EFCAB13: variants seen among roughly 807,000 people sequenced by gnomAD.
EFCAB13 encodes EF-hand calcium-binding domain-containing protein 13.
Under a neutral mutation model 110.2 loss-of-function variants are expected in EFCAB13, and 91 were observed. The observed-to-expected ratio is 0.83, with a 90% CI of 0.70 to 0.98. EFCAB13 has a LOEUF of 0.98. Among genes scored for constraint, EFCAB13 ranks in the 50% least tolerant of loss-of-function variants. The probability of loss-of-function intolerance (pLI) is 0.00; values close to 1 mark genes in which losing one functional copy is unlikely to be tolerated. For missense variants in EFCAB13, 968 were observed against 1,119.4 expected (o/e 0.86, Z 1.93); for synonymous variants, 323 against 369.9 (o/e 0.87, Z 1.45).
chr17:47,324,124 T>C (rs2065266005), intron 1 of EFCAB13, 50 bp downstream of exon 1: 1 of 151,852 alleles, frequency 6.6e-6, no homozygotes. Context: ...CGAGACCCGC[T>C]GAGGAGTTGG....
chr17:47,427,054 G>T (rs756972093), intron 23 of EFCAB13, among the ~76,000 whole-genome samples: 7 of 152,098 alleles, frequency 4.6e-5, no homozygotes, highest in Non-Finnish European at 5.9e-5. Context: ...AATAAGGATA[G>T]TAATGCCTAT....
At chr17:47,365,007 C>A (rs2065538250) in intron 10 of EFCAB13, among the ~76,000 whole-genome samples, 1 of 152,318 alleles carries the variant, frequency 6.6e-6, no homozygotes, top group African/African-American at 2.4e-5. Flanking sequence ...CACTTTAGAT[C>A]CAAACTCAAC....
chr17:47,365,827 GAAAC>G (rs1416866156), intron 10 of EFCAB13, among the ~76,000 whole-genome samples: 2 of 151,166 alleles, frequency 1.3e-5, no homozygotes, highest in Non-Finnish European at 3.0e-5. Context: ...TGGGAATAGA[GAAAC>G]AAAGCAAAAA....
chr17:47,402,321 T>C, intron 18 of EFCAB13, 118 bp downstream of exon 18: 8 of 929,166 alleles, frequency 8.6e-6, no homozygotes, highest in South Asian at 7.5e-5. Flanking sequence ...GGCATTGATA[T>C]GTTTATACGC....
chr17:47,415,536 G>A (rs1904413493), intron 23 of EFCAB13, among the ~76,000 whole-genome samples: 1 of 151,822 alleles, frequency 6.6e-6, no homozygotes, highest in Non-Finnish European at 1.5e-5. Flanking sequence ...ATAATGAGGG[G>A]GAAAACAAGG....
chr17:47,373,255 A>G (rs1443116325), intron 11 of EFCAB13, among the ~76,000 whole-genome samples: 2 of 151,598 alleles, frequency 1.3e-5, no homozygotes, highest in Non-Finnish European at 2.9e-5. Context: ...TCAGCTCTTG[A>G]TTTTTGTTTA....
intron 4 of EFCAB13, among the ~76,000 whole-genome samples, chr17:47,331,126 T>A (rs2143220197): frequency 6.6e-6 from 1 of 152,288 alleles, no homozygotes; most frequent in East Asian, 1.9e-4. Flanking sequence ...GTACTTGTTT[T>A]TTTGCTGCTG....
chr17:47,331,970 G>A (rs1263994289), intron 4 of EFCAB13, among the ~76,000 whole-genome samples: 1 of 152,090 alleles, frequency 6.6e-6, no homozygotes, highest in Non-Finnish European at 1.5e-5. Flanking sequence ...ATTAATTACT[G>A]AAGGACATCT....
At chr17:47,410,594 G>T (rs930905969) in intron 21 of EFCAB13, among the ~76,000 whole-genome samples, 1 of 152,164 alleles carries the variant, frequency 6.6e-6, no homozygotes, top group African/African-American at 2.4e-5. Flanking sequence ...AATCAGATGG[G>T]TGAGACTCAA....
intron 5 of EFCAB13, among the ~76,000 whole-genome samples, chr17:47,341,638 G>C (rs1319432123): frequency 6.6e-6 from 1 of 152,020 alleles, no homozygotes; most frequent in Non-Finnish European, 1.5e-5. Context: ...TGGGATTACA[G>C]GTGTGCACCT....
intron 4 of EFCAB13, chr17:47,328,730 A>T (rs2143212870): frequency 5.2e-6 from 1 of 193,176 alleles, no homozygotes; most frequent in East Asian, 1.2e-4. Context: ...AATGTAGAGG[A>T]CATCAAATTT....
chr17:47,362,072 C>A (rs563965103), intron 10 of EFCAB13, among the ~76,000 whole-genome samples: 4 of 151,846 alleles, frequency 2.6e-5, no homozygotes, highest in Non-Finnish European at 4.4e-5. Context: ...TTATTGTGGG[C>A]GGCAAGCCAA....
chr17:47,338,868 A>G (rs1333165717), intron 5 of EFCAB13, among the ~76,000 whole-genome samples: 1 of 151,662 alleles, frequency 6.6e-6, no homozygotes, highest in Non-Finnish European at 1.5e-5. Flanking sequence ...AAAAAGCAAG[A>G]TACTTTTTCT....
At chr17:47,429,154 G>A (rs573952275) in intron 23 of EFCAB13, among the ~76,000 whole-genome samples, 8 of 152,200 alleles carry the variant, frequency 5.3e-5, no homozygotes, top group African/African-American at 1.9e-4. Context: ...GGAAGAAGAA[G>A]CTACTCATGT....
chr17:47,359,075 G>C (rs1422831113), intron 9 of EFCAB13, among the ~76,000 whole-genome samples: 2 of 152,192 alleles, frequency 1.3e-5, no homozygotes, highest in Non-Finnish European at 2.9e-5. Context: ...GCTCATGCCT[G>C]TAGTCCCAGC....
At chr17:47,382,438 T>A (rs2065652129) in intron 14 of EFCAB13, among the ~76,000 whole-genome samples, 1 of 152,240 alleles carries the variant, frequency 6.6e-6, no homozygotes. Flanking sequence ...TTGTGCCGGT[T>A]GTCAAAAGGA....
Position 47,403,752 on chromosome 17 carries a change from A to G in EFCAB13, c.2018-126A>G, listed in dbSNP as rs985642134. ...GCTGGCCATAGAATTCTATGAGGGGAGAATTTCTCTCTGAGATTTCTTATT... is the reference window on the plus strand; with the variant it reads ...GCTGGCCATAGAATTCTATGAGGGGGGAATTTCTCTCTGAGATTTCTTATT... On this transcript the variant is annotated intron_variant, in intron 18 of 24. Coordinates refer to ENST00000331493, the MANE Select transcript of EFCAB13 (RefSeq NM_152347.5). The G allele has an allele frequency of 1.1e-5, 8 of 744,218 alleles. No homozygotes were observed. In the African/African-American group the frequency reaches 1.5e-4, roughly 14 times the overall value. The allele number at this position is 744,218 out of a possible 1,614,324, so 46.1% of individuals were successfully genotyped here.
chr17:47,437,952 A>G (rs1905242930), intron 24 of EFCAB13, among the ~76,000 whole-genome samples: 1 of 152,062 alleles, frequency 6.6e-6, no homozygotes, highest in Non-Finnish European at 1.5e-5. Context: ...AGCTCCTTTT[A>G]GCAGTTTTTG....
chr17:47,347,757 A>T, intron 8 of EFCAB13, 51 bp from the exon 9 acceptor site: 1 of 1,296,114 alleles, frequency 7.7e-7, no homozygotes, highest in Non-Finnish European at 1.0e-6. Flanking sequence ...GGGAATAAGG[A>T]TAATTATTCT....
Sources: allele counts gnomAD v4.1 joint callset (sites outside exome capture counted in the v4.1 genomes callset), GRCh38; gene constraint gnomAD v4.1.1; transcripts MANE v1.5; gene names NCBI Gene and HGNC (gene_info 2026-07-23, HGNC 2026-07-21).